The following ATL2 variants were observed in gnomAD, a reference collection of about 807,000 sequenced individuals.
ATL2 encodes atlastin GTPase 2, also known as atlastin-2.
In ATL2, 31 loss-of-function variants were observed where a neutral mutation model predicts 73.9. That is an observed-to-expected ratio of 0.42 (90% CI 0.32 to 0.57). ATL2 has a LOEUF of 0.57. ATL2 is among the 20% of genes least tolerant of loss of function. The probability of loss-of-function intolerance (pLI) is 0.14; values close to 1 mark genes in which losing one functional copy is unlikely to be tolerated. For missense variants in ATL2, 738 were observed against 702.6 expected, an observed-to-expected ratio of 1.05 and a Z score of -0.57; for synonymous variants, 291 against 237.5, an observed-to-expected ratio of 1.23 and a Z score of -2.07.
At chr2:38,355,114 A>T (rs1189567632) in intron 1 of ATL2, among the ~76,000 whole-genome samples, 4 of 152,042 alleles carry the variant, frequency 2.6e-5, no homozygotes, top group African/African-American at 9.7e-5. Flanking sequence ...ATAAAAGCAA[A>T]ACTATATACT....
At position 38,339,052 on chromosome 2, in the gene ATL2, T is replaced by C. The variant is rs1020039392; in HGVS notation, c.363+4216A>G. 5.3e-5 allele frequency among the ~76,000 whole-genome samples: 8 copies of C among 151,790 alleles called. No homozygotes were observed. In the South Asian group the frequency reaches 6.2e-4, roughly 12 times the overall value. On this transcript the variant is annotated intron_variant, in intron 2 of 12. Transcript: ENST00000378954. ...CCAACATGGTGAAACCCCATCTCTA[T>C]TGAAAATACAAAAATTAGCTGTGTG... is the stretch of plus-strand genomic sequence containing the variant.
intron 1 of ATL2, among the ~76,000 whole-genome samples, chr2:38,374,478 T>C (rs1387806566): frequency 6.6e-6 from 1 of 152,234 alleles, no homozygotes; most frequent in Non-Finnish European, 1.5e-5. Context: ...TCCCTGCACC[T>C]ATCTGGAGAA....
chr2:38,351,834 G>A (rs925351922), intron 1 of ATL2, among the ~76,000 whole-genome samples: 14 of 151,676 alleles, frequency 9.2e-5, no homozygotes, highest in African/African-American at 2.2e-4. Context: ...AAAATTGGCC[G>A]GGTGCAGTGG....
chr2:38,341,391 C>T (rs1004888545), intron 2 of ATL2, among the ~76,000 whole-genome samples: 1 of 152,136 alleles, frequency 6.6e-6, no homozygotes, highest in Non-Finnish European at 1.5e-5. Flanking sequence ...AATCCCAACA[C>T]GTTGGGACGC....
upstream of ATL2, chr2:38,377,329 AGCCGGCGGGGTG>A (rs1477907245): frequency 4.3e-6 from 6 of 1,406,820 alleles, no homozygotes; most frequent in Admixed American, 4.9e-5. Flanking sequence ...ACCTCCCGGG[AGCCGGCGGGGTG>A]GCCGGCGGGT....
At chr2:38,352,055 G>A (rs772171655) in intron 1 of ATL2, among the ~76,000 whole-genome samples, 12 of 143,398 alleles carry the variant, frequency 8.4e-5, no homozygotes, top group Non-Finnish European at 9.0e-5. Flanking sequence ...AGGCTGCAGT[G>A]AGCCAAGATC....
intron 1 of ATL2, among the ~76,000 whole-genome samples, chr2:38,368,092 G>A (rs1348859416): frequency 4.6e-5 from 7 of 151,412 alleles, no homozygotes; most frequent in African/African-American, 9.7e-5. Context: ...CTGCCACCAC[G>A]CCCGGCTAAT....
At position 38,318,909 on chromosome 2, in the gene ATL2, C is replaced by A; in HGVS notation, c.474G>T (p.Val158=). 1 of 1,613,820 alleles carries A rather than the reference C, an allele frequency of 6.2e-7. No individual in the cohort carries two copies. The highest frequency in any genetic ancestry group is 8.5e-7 in the Non-Finnish European group (1 of 1,179,936). ...TGIQVWNEVF[V]IDRPNGTKVA... ...CTTTAGTTCCATTAGGTCTGTCAAT[C>A]ACAAATACTTCATTCCAAACTTGTA... is the stretch of plus-strand genomic sequence containing the variant. The change falls in exon 3 of 13, where the codon GTG becomes GTT. Residue 158 remains valine, a synonymous_variant. Coordinates refer to ENST00000378954, the MANE Select transcript of ATL2 (RefSeq NM_001135673.4).
intron 2 of ATL2, among the ~76,000 whole-genome samples, chr2:38,338,035 G>A (rs1669474923): frequency 2.0e-5 from 3 of 152,064 alleles, no homozygotes; most frequent in South Asian, 2.1e-4. Context: ...CTACAACAGC[G>A]AGACGTGACA....
intron 1 of ATL2, among the ~76,000 whole-genome samples, chr2:38,345,354 A>G (rs1169689833): frequency 6.6e-6 from 1 of 152,222 alleles, no homozygotes; most frequent in Non-Finnish European, 1.5e-5. Flanking sequence ...CAAAGATTAT[A>G]TAACTACATT....
intron 7 of ATL2, among the ~76,000 whole-genome samples, chr2:38,312,601 C>T (rs944154098): frequency 2.0e-5 from 3 of 150,874 alleles, no homozygotes; most frequent in Non-Finnish European, 4.4e-5. Context: ...ATCCCAGCTA[C>T]GGGAGGCTGA....
intron 8 of ATL2, among the ~76,000 whole-genome samples, chr2:38,310,082 G>A (rs781104939): frequency 9.2e-5 from 14 of 152,178 alleles, no homozygotes; most frequent in Non-Finnish European, 1.3e-4. Flanking sequence ...GGACATCACT[G>A]CTGAGCAACA....
At chr2:38,356,173 C>T (rs1210195711) in intron 1 of ATL2, among the ~76,000 whole-genome samples, 2 of 151,866 alleles carry the variant, frequency 1.3e-5, no homozygotes, top group African/African-American at 4.8e-5. Context: ...ATTTACTAAC[C>T]CAAAATATTA....
At chr2:38,370,822 T>A (rs1671646486) in intron 1 of ATL2, among the ~76,000 whole-genome samples, 1 of 150,414 alleles carries the variant, frequency 6.6e-6, no homozygotes. Context: ...AGCAGGGTAG[T>A]GCAAGCCTGT....
At position 38,300,408 on chromosome 2, in the gene ATL2, T is replaced by G. The variant is rs1012331063; in HGVS notation, c.1072-80A>C. ...CCCCAAAGAAAGAAAAGTCATTAAATATAAAAATAATTAACACCATTAAAA... is the reference window on the plus strand; with the variant it reads ...CCCCAAAGAAAGAAAAGTCATTAAAGATAAAAATAATTAACACCATTAAAA... On this transcript the variant is annotated intron_variant, in intron 9 of 12. Coordinates refer to ENST00000378954, the MANE Select transcript of ATL2 (RefSeq NM_001135673.4). 2.7e-5 allele frequency: 26 copies of G among 969,190 alleles called. No homozygotes were observed. In the Admixed American group the frequency reaches 5.1e-4, roughly 19 times the overall value. The allele number at this position is 969,190 out of a possible 1,614,324, so 60.0% of individuals were successfully genotyped here.
intron 1 of ATL2, chr2:38,359,621 G>C (rs1457651004): frequency 6.6e-6 from 1 of 151,966 alleles, no homozygotes; most frequent in Non-Finnish European, 1.5e-5. Flanking sequence ...CGTTTCCATA[G>C]TAACTACCAC....
intron 1 of ATL2, among the ~76,000 whole-genome samples, chr2:38,370,150 C>CAAAAAAA (rs962952444): frequency 2.3e-4 from 10 of 43,916 alleles, no homozygotes; most frequent in African/African-American, 1.1e-3. Context: ...GAGACTCCGT[C>CAAAAAAA]AAAAAAAAAA....
intron 9 of ATL2, 58 bp downstream of exon 9, chr2:38,309,321 T>G: frequency 6.7e-6 from 10 of 1,495,230 alleles, no homozygotes; most frequent in Non-Finnish European, 8.0e-6. Context: ...TACATACAGA[T>G]GAGTTTTAAG....
chr2:38,372,463 T>C (rs1671745244), intron 1 of ATL2, among the ~76,000 whole-genome samples: 1 of 152,164 alleles, frequency 6.6e-6, no homozygotes, highest in African/African-American at 2.4e-5. Flanking sequence ...CATCCTTGAA[T>C]TCTGTCATCA....
Sources: gnomAD v4.1 joint callset for allele counts (sites outside exome capture counted in the v4.1 genomes callset) on GRCh38, gnomAD v4.1.1 for gene constraint, MANE v1.5 for transcripts, NCBI Gene and HGNC (gene_info 2026-07-23, HGNC 2026-07-21) for gene names.